LRRC4C: variants seen among roughly 807,000 people sequenced by gnomAD.
The protein encoded by LRRC4C is leucine rich repeat containing 4C, also known as leucine-rich repeat-containing protein 4C.
In LRRC4C, 5 loss-of-function variants were observed where a neutral mutation model predicts 33.6. The ratio of observed to expected loss-of-function variants is 0.15; its 90% CI spans 0.08 to 0.31. The LOEUF (loss-of-function observed/expected upper bound fraction) is 0.31, where lower values mean the gene tolerates loss of function less well. LRRC4C is among the 10% of genes least tolerant of loss of function. LRRC4C has a pLI of 1.00. For missense variants in LRRC4C, 560 were observed against 796.7 expected (o/e 0.70, Z 3.58); for synonymous variants, 329 against 302.0 (o/e 1.09, Z -0.93).
At chr11:40,671,824 ACTAT>A (rs1944136765) in intron 2 of LRRC4C, among the ~76,000 whole-genome samples, 1 of 152,080 alleles carries the variant, frequency 6.6e-6, no homozygotes, top group Non-Finnish European at 1.5e-5. Context: ...CGTGCCTATC[ACTAT>A]CTAAGATTAT....
chr11:40,988,351 T>G (rs565028019), intron 1 of LRRC4C, among the ~76,000 whole-genome samples: 1 of 152,250 alleles, frequency 6.6e-6, no homozygotes, highest in South Asian at 2.1e-4. Flanking sequence ...ATGGGCTCAT[T>G]CTTGAAGTTA....
chr11:40,445,859 G>C (rs1320962569), intron 3 of LRRC4C: 2 of 152,190 alleles, frequency 1.3e-5, no homozygotes, highest in East Asian at 3.8e-4. Flanking sequence ...TGAGTTATCT[G>C]ATGTCTAGTG....
chr11:40,681,828 A>G (rs1944704286), intron 2 of LRRC4C, among the ~76,000 whole-genome samples: 3 of 152,200 alleles, frequency 2.0e-5, no homozygotes, highest in Non-Finnish European at 4.4e-5. Context: ...TATTATTCTA[A>G]GTGAAGTAAC....
intron 1 of LRRC4C, among the ~76,000 whole-genome samples, chr11:41,236,942 G>C (rs2030833424): frequency 1.3e-5 from 2 of 152,188 alleles, no homozygotes; most frequent in Admixed American, 1.3e-4. Flanking sequence ...TGCCTGAAAG[G>C]CAGGCACAAT....
chr11:40,132,460 G>A (rs1856711424), intron 6 of LRRC4C, among the ~76,000 whole-genome samples: 1 of 152,196 alleles, frequency 6.6e-6, no homozygotes, highest in Admixed American at 6.5e-5. Context: ...TCAGGATGCA[G>A]AATGATAAAA....
intron 4 of LRRC4C, among the ~76,000 whole-genome samples, chr11:40,303,353 A>G (rs901508974): frequency 9.9e-5 from 15 of 152,264 alleles, no homozygotes; most frequent in African/African-American, 3.6e-4. Flanking sequence ...GAGGCCATGC[A>G]TAACTCTCAA....
intron 5 of LRRC4C, among the ~76,000 whole-genome samples, chr11:40,223,026 G>T (rs1864531188): frequency 6.6e-6 from 1 of 151,906 alleles, no homozygotes; most frequent in East Asian, 1.9e-4. Context: ...TAAAGGTTAA[G>T]AAATATAGAA....
intron 3 of LRRC4C, among the ~76,000 whole-genome samples, chr11:40,601,343 C>T (rs966325329): frequency 7.2e-5 from 11 of 152,176 alleles, no homozygotes; most frequent in Admixed American, 6.6e-5. Context: ...TTCTTCATGG[C>T]CATGAGAGCC....
rs144264785 is a variant in LRRC4C, at chr11:41,328,581, G to GA, written c.-496+130849dup. The stretch of plus-strand genomic sequence containing the variant: ...TCTCTTCCCTTTTCTCAGGTAGCTT[G>GA]AGTTAGTTCTCTTCGTAGGCATGAC... On this transcript the variant is annotated intron_variant, in intron 1 of 6. Transcript: ENST00000528697. 2.7e-3 allele frequency among the ~76,000 whole-genome samples: 411 copies of GA among 152,250 alleles called. 2 individuals are homozygous for GA. Among genetic ancestry groups the GA allele is most frequent in the African/African-American group, 9.7e-3 (405 of 41,554 alleles).
At chr11:41,248,900 T>G (rs1246147138) in intron 1 of LRRC4C, among the ~76,000 whole-genome samples, 1 of 152,208 alleles carries the variant, frequency 6.6e-6, no homozygotes, top group Non-Finnish European at 1.5e-5. Flanking sequence ...AAAACGTTGC[T>G]TTAGTCTTTA....
intron 1 of LRRC4C, among the ~76,000 whole-genome samples, chr11:41,040,435 C>G (rs1462119702): frequency 1.3e-5 from 2 of 152,126 alleles, no homozygotes; most frequent in African/African-American, 4.8e-5. Context: ...AAAGCAAAAA[C>G]AACATTGACC....
At chr11:41,215,079 T>C (rs915872984) in intron 1 of LRRC4C, among the ~76,000 whole-genome samples, 8 of 149,768 alleles carry the variant, frequency 5.3e-5, no homozygotes, top group Admixed American at 4.7e-4. Flanking sequence ...ATAATTTATA[T>C]GCAAAAAAAT....
At chr11:41,098,942 C>A (rs1366879939) in intron 1 of LRRC4C, among the ~76,000 whole-genome samples, 1 of 151,738 alleles carries the variant, frequency 6.6e-6, no homozygotes, top group Admixed American at 6.6e-5. Context: ...ACGCTGCTAG[C>A]TAGAATAATA....
intron 1 of LRRC4C, among the ~76,000 whole-genome samples, chr11:41,266,624 T>C (rs1949160048): frequency 6.6e-6 from 1 of 152,140 alleles, no homozygotes; most frequent in Admixed American, 6.6e-5. Context: ...ACAGGTTCTT[T>C]CATAATTTTT....
rs529846296 is a variant in LRRC4C at position 41,040,829 on chromosome 11, T to C, written c.-495-107106A>G. 4.6e-5 allele frequency among the ~76,000 whole-genome samples: 7 copies of C among 152,348 alleles called. No homozygotes were observed. The South Asian group carries it at 6.2e-4, about 14-fold the overall frequency. ...TACAACCACCTTCTTTGGTATTTAA[T>C]GACTCTTGAAGCTAAACTAAATCTC... On this transcript the variant is annotated intron_variant, in intron 1 of 6. Coordinates refer to ENST00000528697, the MANE Select transcript of LRRC4C (RefSeq NM_001258419.2).
At chr11:40,526,290 G>T (rs1181296574) in intron 3 of LRRC4C, among the ~76,000 whole-genome samples, 4 of 152,024 alleles carry the variant, frequency 2.6e-5, no homozygotes. Context: ...GAGCAAAGGG[G>T]AAGAGCAAGG....
intron 3 of LRRC4C, among the ~76,000 whole-genome samples, chr11:40,631,755 G>A (rs549019946): frequency 6.6e-6 from 1 of 152,246 alleles, no homozygotes; most frequent in East Asian, 1.9e-4. Flanking sequence ...AGTTTAATTA[G>A]TATAGAAGCA....
intron 2 of LRRC4C, among the ~76,000 whole-genome samples, chr11:40,768,652 G>A (rs745706347): frequency 1.8e-4 from 27 of 152,078 alleles, no homozygotes; most frequent in Non-Finnish European, 3.5e-4. Context: ...GACCAAGTGG[G>A]ATTTATCTCA....
chr11:40,314,467 A>C (rs745768715), intron 4 of LRRC4C, among the ~76,000 whole-genome samples: 3 of 152,122 alleles, frequency 2.0e-5, no homozygotes, highest in Admixed American at 1.3e-4. Flanking sequence ...AACAAGTACA[A>C]CCACCATGAA....
Sources: allele counts gnomAD v4.1 joint callset (sites outside exome capture counted in the v4.1 genomes callset), GRCh38; gene constraint gnomAD v4.1.1; transcripts MANE v1.5; gene names NCBI Gene and HGNC (gene_info 2026-07-23, HGNC 2026-07-21).